SORCS3: variants seen among roughly 807,000 people sequenced by gnomAD.
SORCS3 encodes the protein VPS10 domain-containing receptor SorCS3.
A neutral mutation model predicts 146.3 loss-of-function variants in SORCS3; 57 were observed. The observed-to-expected ratio is 0.39, with a 90% CI of 0.31 to 0.49. The LOEUF is 0.49. Among genes scored for constraint, SORCS3 ranks in the 20% least tolerant of loss-of-function variants. The probability of loss-of-function intolerance (pLI) is 0.92; values close to 1 mark genes in which losing one functional copy is unlikely to be tolerated. For missense variants in SORCS3, 1,341 were observed against 1,575.5 expected, an observed-to-expected ratio of 0.85 and a Z score of 2.52; for synonymous variants, 653 against 618.5, an observed-to-expected ratio of 1.06 and a Z score of -0.83.
intron 7 of SORCS3, among the ~76,000 whole-genome samples, chr10:105,135,484 G>A (rs183621058): frequency 3.9e-5 from 6 of 152,272 alleles, no homozygotes; most frequent in Non-Finnish European, 7.4e-5. Flanking sequence ...TTTATCAATG[G>A]TCCCTTGGCC....
At chr10:105,096,330 G>C (rs2055746761) in intron 6 of SORCS3, among the ~76,000 whole-genome samples, 1 of 152,134 alleles carries the variant, frequency 6.6e-6, no homozygotes, top group Admixed American at 6.6e-5. Context: ...GCACCATCTG[G>C]AGAGCTTGTT....
chr10:104,922,418 A>C (rs949238500), intron 3 of SORCS3, among the ~76,000 whole-genome samples: 2 of 152,324 alleles, frequency 1.3e-5, no homozygotes, highest in Non-Finnish European at 2.9e-5. Flanking sequence ...AGATGCACCG[A>C]AGAAAATGAC....
chr10:104,794,622 GGA>G (rs371695559), intron 1 of SORCS3, among the ~76,000 whole-genome samples: 116 of 41,348 alleles, frequency 2.8e-3, no homozygotes, highest in East Asian at 7.1e-3. Flanking sequence ...AGAGAGGGAG[GGA>G]GAGAGAGAGA....
At chr10:104,965,293 G>T (rs1182592297) in intron 3 of SORCS3, among the ~76,000 whole-genome samples, 1 of 152,156 alleles carries the variant, frequency 6.6e-6, no homozygotes, top group African/African-American at 2.4e-5. Flanking sequence ...CTGACTGTCT[G>T]CCTGCTTCAC....
intron 13 of SORCS3, among the ~76,000 whole-genome samples, chr10:105,169,616 T>C (rs528628058): frequency 6.6e-6 from 1 of 152,158 alleles, no homozygotes; most frequent in Admixed American, 6.5e-5. Flanking sequence ...AGACCAAAAA[T>C]GTAAATAGAG....
At chr10:104,656,299 A>G (rs2015628777) in intron 1 of SORCS3, among the ~76,000 whole-genome samples, 3 of 152,038 alleles carry the variant, frequency 2.0e-5, no homozygotes, top group African/African-American at 4.8e-5. Context: ...ATGGTGAGAG[A>G]TGAGATGAAG....
chr10:104,759,862 G>T (rs1451696825), intron 1 of SORCS3, among the ~76,000 whole-genome samples: 1 of 152,170 alleles, frequency 6.6e-6, no homozygotes, highest in African/African-American at 2.4e-5. Context: ...CTGTGCTTGA[G>T]GAGCTTGTAC....
intron 20 of SORCS3, among the ~76,000 whole-genome samples, chr10:105,241,688 G>A (rs563305170): frequency 6.6e-6 from 1 of 152,246 alleles, no homozygotes; most frequent in East Asian, 1.9e-4. Flanking sequence ...CTGGAGAGGG[G>A]ACAAGAAGGG....
chr10:105,009,739 A>G (rs979957929), intron 4 of SORCS3, among the ~76,000 whole-genome samples: 1 of 150,194 alleles, frequency 6.7e-6, no homozygotes, highest in Non-Finnish European at 1.5e-5. Flanking sequence ...TCACTTTTTC[A>G]CTTTTTTTTT....
intron 1 of SORCS3, among the ~76,000 whole-genome samples, chr10:104,762,683 T>A (rs2017135415): frequency 6.6e-6 from 1 of 152,138 alleles, no homozygotes; most frequent in East Asian, 1.9e-4. Context: ...GATAGTGAGT[T>A]TTCGAGAGAT....
chr10:104,938,656 T>G (rs2019283084), intron 3 of SORCS3, among the ~76,000 whole-genome samples: 1 of 152,196 alleles, frequency 6.6e-6, no homozygotes, highest in Admixed American at 6.5e-5. Context: ...CTTGGCCCAG[T>G]GTTTCCTCCC....
intron 11 of SORCS3, among the ~76,000 whole-genome samples, chr10:105,161,923 C>G (rs1263174707): frequency 6.6e-6 from 1 of 152,112 alleles, no homozygotes; most frequent in African/African-American, 2.4e-5. Context: ...CACAGCTAAC[C>G]AGACCCCCTG....
intron 25 of SORCS3, among the ~76,000 whole-genome samples, chr10:105,258,135 C>T (rs1053111440): frequency 2.0e-5 from 3 of 152,120 alleles, no homozygotes; most frequent in Non-Finnish European, 4.4e-5. Flanking sequence ...GTATACCTCT[C>T]AGCATTAGCC....
chr10:105,096,296 C>G (rs1033211582), intron 6 of SORCS3, among the ~76,000 whole-genome samples: 88 of 152,186 alleles, frequency 5.8e-4, no homozygotes, highest in African/African-American at 2.0e-3. Context: ...TAGATCTGAG[C>G]TGGTTGAACT....
chr10:104,702,790 C>A (rs1347940588), intron 1 of SORCS3, among the ~76,000 whole-genome samples: 1 of 152,140 alleles, frequency 6.6e-6, no homozygotes, highest in East Asian at 1.9e-4. Context: ...TAATAGAGTG[C>A]TAGACTGGGT....
intron 9 of SORCS3, among the ~76,000 whole-genome samples, chr10:105,153,066 T>A (rs911265001): frequency 1.3e-5 from 2 of 152,194 alleles, no homozygotes; most frequent in African/African-American, 2.4e-5. Context: ...AATCAAGACA[T>A]AGAACAGTTC....
intron 2 of SORCS3, among the ~76,000 whole-genome samples, chr10:104,910,317 T>C (rs1195116391): frequency 1.3e-5 from 2 of 152,186 alleles, no homozygotes; most frequent in East Asian, 3.9e-4. Flanking sequence ...AGTTATGCCC[T>C]GAGGTGACCC....
intron 7 of SORCS3, among the ~76,000 whole-genome samples, chr10:105,117,471 C>A (rs1379702489): frequency 1.3e-5 from 2 of 152,122 alleles, no homozygotes; most frequent in African/African-American, 4.8e-5. Context: ...TCTAAACATC[C>A]ATTTCCATCC....
intron 1 of SORCS3, among the ~76,000 whole-genome samples, chr10:104,660,267 T>C (rs2133247063): frequency 6.8e-6 from 1 of 147,412 alleles, no homozygotes; most frequent in East Asian, 2.0e-4. Flanking sequence ...AAAAGTGGGT[T>C]TCAGTTTTTT....
Sources: allele counts gnomAD v4.1 joint callset (sites outside exome capture counted in the v4.1 genomes callset), GRCh38; gene constraint gnomAD v4.1.1; transcripts MANE v1.5; gene names NCBI Gene and HGNC (gene_info 2026-07-23, HGNC 2026-07-21).